Variants in FCHO2 observed in about 807,000 individuals in gnomAD.
The protein encoded by FCHO2 is F-BAR domain only protein 2.
In FCHO2, 43 loss-of-function variants were observed where a neutral mutation model predicts 114.1. The observed-to-expected ratio is 0.38, with a 90% CI of 0.30 to 0.49. The LOEUF is 0.49. Ranked by LOEUF, FCHO2 falls within the 20% of genes least tolerant of loss-of-function variation. The pLI is 0.97. For synonymous variants in FCHO2, 293 were observed against 315.2 expected, an observed-to-expected ratio of 0.93 and a Z score of 0.75; for missense variants, 807 against 950.4, an observed-to-expected ratio of 0.85 and a Z score of 1.98.
intron 1 of FCHO2, 56 bp downstream of exon 1, chr5:72,956,185 G>A: frequency 6.6e-7 from 1 of 1,511,026 alleles, no homozygotes; most frequent in Non-Finnish European, 8.9e-7. Context: ...TTTGGCGCCT[G>A]AGCTTGGCCT....
At chr5:73,078,853 C>T (rs1743000271) in intron 22 of FCHO2, among the ~76,000 whole-genome samples, 1 of 152,108 alleles carries the variant, frequency 6.6e-6, no homozygotes, top group Admixed American at 6.6e-5. Flanking sequence ...TAATAACTTT[C>T]AAAACCAATT....
intron 2 of FCHO2, among the ~76,000 whole-genome samples, chr5:72,975,003 C>G (rs914718469): frequency 5.9e-5 from 9 of 152,082 alleles, no homozygotes; most frequent in Non-Finnish European, 1.3e-4. Context: ...GTTGAAAATT[C>G]TTTTCTTTAA....
intron 10 of FCHO2, among the ~76,000 whole-genome samples, chr5:73,041,072 G>C (rs953363287): frequency 2.6e-5 from 4 of 152,004 alleles, no homozygotes; most frequent in Non-Finnish European, 5.9e-5. Flanking sequence ...CTTGTAAGCT[G>C]TTTGTTTTTT....
At chr5:73,014,707 CTCTT>C (rs1331222952) in intron 6 of FCHO2, among the ~76,000 whole-genome samples, 1 of 152,056 alleles carries the variant, frequency 6.6e-6, no homozygotes, top group Non-Finnish European at 1.5e-5. Context: ...GTTTTTAAAA[CTCTT>C]TGTTTTTTTT....
chr5:73,018,156 A>G (rs1455220305), intron 8 of FCHO2, among the ~76,000 whole-genome samples: 2 of 152,218 alleles, frequency 1.3e-5, no homozygotes, highest in Non-Finnish European at 2.9e-5. Context: ...ATATTTCCTC[A>G]GTGCAGTTCA....
chr5:73,034,570 T>TA, intron 8 of FCHO2, 87 bp from the exon 9 acceptor site: 1 of 994,704 alleles, frequency 1.0e-6, no homozygotes, highest in Non-Finnish European at 1.5e-6. Flanking sequence ...AAAAGTAGAA[T>TA]AAAAAATTTA....
chr5:73,003,288 C>T (rs1754543344), intron 5 of FCHO2, among the ~76,000 whole-genome samples: 2 of 152,270 alleles, frequency 1.3e-5, no homozygotes, highest in South Asian at 2.1e-4. Flanking sequence ...GCTGGGGTTA[C>T]AGGCATGAGC....
chr5:72,977,440 G>T (rs1278319799), intron 2 of FCHO2, among the ~76,000 whole-genome samples: 1 of 152,142 alleles, frequency 6.6e-6, no homozygotes, highest in African/African-American at 2.4e-5. Context: ...AGAAGTGTCT[G>T]TTCATATACT....
intron 8 of FCHO2, chr5:73,020,879 T>A (rs1202015800): frequency 1.9e-6 from 2 of 1,075,926 alleles, no homozygotes; most frequent in Non-Finnish European, 2.9e-6. Flanking sequence ...AGCACCTGTA[T>A]CAGCTCACCA....
chr5:72,984,525 G>T (rs983063405), intron 2 of FCHO2, among the ~76,000 whole-genome samples: 8 of 152,158 alleles, frequency 5.3e-5, no homozygotes, highest in Non-Finnish European at 1.2e-4. Context: ...GTCTTTATAG[G>T]AAAGTTTTAA....
At chr5:73,021,474 T>C (rs1755620661) in intron 8 of FCHO2, among the ~76,000 whole-genome samples, 2 of 152,202 alleles carry the variant, frequency 1.3e-5, no homozygotes, top group Admixed American at 1.3e-4. Flanking sequence ...TTTTTTCCTT[T>C]AGTACTTTAG....
chr5:73,000,883 C>G (rs1272400621), intron 5 of FCHO2, among the ~76,000 whole-genome samples: 2 of 147,518 alleles, frequency 1.4e-5, no homozygotes, highest in Admixed American at 1.4e-4. Context: ...GGTGGGATTA[C>G]AGGCATGAGC....
chr5:73,003,473 C>T (rs1386988709), intron 5 of FCHO2, among the ~76,000 whole-genome samples: 8 of 152,072 alleles, frequency 5.3e-5, no homozygotes, highest in Admixed American at 2.6e-4. Context: ...CCACCATGCC[C>T]GCCCAGTAAA....
chr5:72,975,880 G>A lies in FCHO2; in HGVS notation c.125+7291G>A, dbSNP rs1055935790. ...ACATTTTATCCACTGACTTACTCAG[G>A]GACATCTTGGTTGCTTCCAAGTTTT... On this transcript the variant is annotated intron_variant, in intron 2 of 25. Coordinates refer to ENST00000430046, the MANE Select transcript of FCHO2 (RefSeq NM_138782.3). 2.6e-5 allele frequency among the ~76,000 whole-genome samples: 4 copies of A among 152,178 alleles called. No individual in the cohort carries two copies. The East Asian group carries it at 7.7e-4, about 29-fold the overall frequency.
At chr5:73,083,759 G>A (rs1743200518) in intron 24 of FCHO2, among the ~76,000 whole-genome samples, 1 of 152,068 alleles carries the variant, frequency 6.6e-6, no homozygotes, top group South Asian at 2.1e-4. Context: ...GGGCGTCATG[G>A]TGCACGCCTG....
At position 73,037,958 on chromosome 5, in the gene FCHO2, C is replaced by T. The variant is rs181757706; in HGVS notation, c.914+743C>T. On this transcript the variant is annotated intron_variant, in intron 10 of 25. Coordinates refer to ENST00000430046, the MANE Select transcript of FCHO2 (RefSeq NM_138782.3). ...TATTTTTAGTAGAGACAGGGTTTCA[C>T]CATATTGGCCAGGCTGGTCGCGAAC... is the stretch of plus-strand genomic sequence containing the variant. 1.1e-3 allele frequency: 287 copies of T among 258,254 alleles called. 1 individual carries two copies. Among genetic ancestry groups the T allele is most frequent in the African/African-American group, 6.2e-3 (263 of 42,700 alleles). The allele number at this position is 258,254 out of a possible 1,614,324, so 16.0% of individuals were successfully genotyped here.
rs149093093 is a variant in FCHO2, at chr5:73,038,552, A to G, written c.914+1337A>G. Among the ~76,000 whole-genome samples, 3 of 152,306 alleles carry G rather than the reference A, an allele frequency of 2.0e-5. No homozygotes were observed. The East Asian group carries it at 5.8e-4, about 29-fold the overall frequency. ...ATCAAAGGAATTCTCATGAGATTTA[A>G]TATTTGATGGGCACTCATATTTTTA... On this transcript the variant is annotated intron_variant, in intron 10 of 25. Coordinates refer to ENST00000430046, the MANE Select transcript of FCHO2 (RefSeq NM_138782.3).
intron 2 of FCHO2, among the ~76,000 whole-genome samples, chr5:72,985,744 G>A (rs1753489280): frequency 6.6e-6 from 1 of 152,086 alleles, no homozygotes; most frequent in Non-Finnish European, 1.5e-5. Context: ...GTAACATTTG[G>A]TGGTGGGAAG....
chr5:73,022,987 C>G (rs1332485409), intron 8 of FCHO2, among the ~76,000 whole-genome samples: 1 of 151,918 alleles, frequency 6.6e-6, no homozygotes, highest in Non-Finnish European at 1.5e-5. Flanking sequence ...ATATTAATTT[C>G]AGGAAAGGTT....
Sources: gnomAD v4.1 joint callset for allele counts (sites outside exome capture counted in the v4.1 genomes callset) on GRCh38, gnomAD v4.1.1 for gene constraint, MANE v1.5 for transcripts, NCBI Gene and HGNC (gene_info 2026-07-23, HGNC 2026-07-21) for gene names.